The following LMO3 variants were observed in gnomAD, a reference collection of about 807,000 sequenced individuals.
LMO3 encodes LIM domain only protein 3.
A neutral mutation model predicts 15.8 loss-of-function variants in LMO3; 2 were observed. The observed-to-expected ratio is 0.13, with a 90% confidence interval of 0.05 to 0.40. LMO3 has a LOEUF of 0.40. Ranked by LOEUF, LMO3 falls within the 10% of genes least tolerant of loss-of-function variation. The pLI is 0.99. For synonymous variants in LMO3, 62 were observed against 63.8 expected (o/e 0.97, Z 0.13); for missense variants, 86 against 182.2 (o/e 0.47, Z 3.04).
chr12:16,583,567 A>G (rs1430195422), intron 2 of LMO3, among the ~76,000 whole-genome samples: 1 of 152,206 alleles, frequency 6.6e-6, no homozygotes, highest in Non-Finnish European at 1.5e-5. Flanking sequence ...ATTCCCATAG[A>G]TGGGATAAAA....
chr12:16,580,793 T>G (rs915412927), intron 2 of LMO3, among the ~76,000 whole-genome samples: 4 of 152,180 alleles, frequency 2.6e-5, no homozygotes, highest in Admixed American at 6.5e-5. Flanking sequence ...TTTGCTAATC[T>G]CTATTGTTAA....
Position 16,551,087 on chromosome 12 carries a change from T to A in LMO3, c.*135A>T. On this transcript the variant is annotated 3_prime_UTR_variant, in exon 4 of 4. Coordinates refer to ENST00000537304, the MANE Select transcript of LMO3 (RefSeq NM_018640.5). The stretch of plus-strand genomic sequence containing the variant: ...CTACATACAGATGCAGTCCGCCTTT[T>A]ATTCCATATAACCATCCTGCCTTCC... 1 of 595,330 alleles carries A rather than the reference T, an allele frequency of 1.7e-6. No individual in the cohort carries two copies. The highest frequency in any genetic ancestry group is 3.0e-6 in the Non-Finnish European group (1 of 331,142). 36.9% of individuals were successfully genotyped at this position (595,330 alleles called of 1,614,324 possible).
chr12:16,552,720 C>T (rs1378693098), intron 3 of LMO3, among the ~76,000 whole-genome samples: 1 of 152,088 alleles, frequency 6.6e-6, no homozygotes, highest in African/African-American at 2.4e-5. Flanking sequence ...AGACTATGCA[C>T]TGATCTTGAA....
intron 2 of LMO3, chr12:16,594,375 C>T (rs1943583702): frequency 8.7e-6 from 8 of 922,620 alleles, no homozygotes; most frequent in Non-Finnish European, 1.2e-5. Context: ...TTTATAGAGA[C>T]ATGGCTAATA....
intron 2 of LMO3, among the ~76,000 whole-genome samples, chr12:16,595,023 T>G (rs1407807863): frequency 6.6e-6 from 1 of 151,528 alleles, no homozygotes; most frequent in Non-Finnish European, 1.5e-5. Flanking sequence ...TTCTCAAATG[T>G]AGGTTTTCCA....
Position 16,585,243 on chromosome 12 carries a change from A to T in LMO3, c.206+15412T>A, listed in dbSNP as rs925080259. On this transcript the variant is annotated intron_variant, in intron 2 of 3. Transcript: ENST00000537304. This position sits in a 1 kb window ranked among gnomAD's most constrained non-coding sequence, Gnocchi z 4.7. ...CCCGTCTTAGCCCTTGGCAAGATAA[A>T]TAATTCAGCCTATTTTATTTACATT... 1.8e-4 allele frequency among the ~76,000 whole-genome samples: 28 copies of T among 152,156 alleles called. No individual in the cohort carries two copies. Among genetic ancestry groups the T allele is most frequent in the Non-Finnish European group, 3.7e-4 (25 of 68,046 alleles).
chr12:16,551,855 A>T (rs1942002468), intron 3 of LMO3, among the ~76,000 whole-genome samples: 1 of 151,996 alleles, frequency 6.6e-6, no homozygotes, highest in African/African-American at 2.4e-5. Context: ...AATGTTAGTA[A>T]TCTAGAAGTG....
chr12:16,565,150 AC>A (rs1257317669), intron 2 of LMO3, among the ~76,000 whole-genome samples: 3 of 152,212 alleles, frequency 2.0e-5, no homozygotes, highest in Admixed American at 2.0e-4. Context: ...TTTAAAAAAA[AC>A]TATAGAATAA....
chr12:16,605,635 A>T lies in LMO3; in HGVS notation c.-9+431T>A, dbSNP rs1683599221. 14 of 907,560 alleles carry T rather than the reference A, an allele frequency of 1.5e-5. No individual in the cohort carries two copies. In the South Asian group the frequency reaches 1.8e-4, roughly 12 times the overall value. The allele number at this position is 907,560 out of a possible 1,614,324, so 56.2% of individuals were successfully genotyped here. A position where few individuals can be genotyped will look rare whatever the true frequency, so the allele number is the denominator to read the frequency against. On this transcript the variant is annotated intron_variant, in intron 1 of 3. Coordinates refer to ENST00000537304, the MANE Select transcript of LMO3 (RefSeq NM_018640.5). ...GGTCCGGAAACCCACCCAGGACTGA[A>T]TTCTTTTCCTATGGGCTGGGAGCAA...
chr12:16,554,880 G>T (rs1942133030), intron 3 of LMO3, among the ~76,000 whole-genome samples: 1 of 152,060 alleles, frequency 6.6e-6, no homozygotes. Context: ...GGATGGTCTC[G>T]ATCTCCCAAC....
At chr12:16,575,988 T>A (rs1020093376) in intron 2 of LMO3, among the ~76,000 whole-genome samples, 1 of 151,862 alleles carries the variant, frequency 6.6e-6, no homozygotes, top group African/African-American at 2.4e-5. Context: ...AACTTTGAAT[T>A]TGCCTCCTCT....
Position 16,596,257 on chromosome 12 carries a change from A to G in LMO3, c.206+4398T>C, listed in dbSNP as rs998080697. Reference sequence around the variant, plus strand: ...CTTCAAATCATTTTAGTTAATTAGCAACTATGGTGAAGCATGAAGCATCAC... The same window carrying G: ...CTTCAAATCATTTTAGTTAATTAGCGACTATGGTGAAGCATGAAGCATCAC... On this transcript the variant is annotated intron_variant, in intron 2 of 3. Coordinates refer to ENST00000537304, the MANE Select transcript of LMO3 (RefSeq NM_018640.5). The surrounding 1 kb of genome is among the most constrained non-coding windows in gnomAD (Gnocchi z 4.3). Among the ~76,000 whole-genome samples, 2 of 151,592 alleles carry G rather than the reference A, an allele frequency of 1.3e-5. No individual in the cohort carries two copies. Among genetic ancestry groups the G allele is most frequent in the African/African-American group, 4.8e-5 (2 of 41,416 alleles).
rs561265626 is a variant in LMO3, at chr12:16,578,540, G to A, written c.207-18002C>T. Among the ~76,000 whole-genome samples the A allele has an allele frequency of 7.2e-5, 11 of 152,146 alleles. No homozygotes were observed. In the East Asian group the frequency reaches 7.8e-4, roughly 11 times the overall value. On this transcript the variant is annotated intron_variant, in intron 2 of 3. Transcript: ENST00000537304. ...ATTAAAATAAAAATCACATTAGGCC[G>A]GGCGCCGTGGCTCATGCCTGTAATC...
intron 2 of LMO3, among the ~76,000 whole-genome samples, chr12:16,573,088 T>G (rs1354501416): frequency 1.3e-5 from 2 of 152,092 alleles, no homozygotes; most frequent in Non-Finnish European, 2.9e-5. Flanking sequence ...ATACCTTTTT[T>G]TTTTCCTATG....
At chr12:16,601,172 C>T (rs1021530966) in intron 1 of LMO3, among the ~76,000 whole-genome samples, 4 of 152,186 alleles carry the variant, frequency 2.6e-5, no homozygotes, top group African/African-American at 4.8e-5. Flanking sequence ...TATCTTCATT[C>T]TCCCCATAGA....
chr12:16,590,116 A>T (rs1591818671), intron 2 of LMO3, among the ~76,000 whole-genome samples: 1 of 152,224 alleles, frequency 6.6e-6, no homozygotes, highest in East Asian at 1.9e-4. Context: ...TTGTACCCAA[A>T]GTTTAAACTT....
intron 2 of LMO3, among the ~76,000 whole-genome samples, chr12:16,581,721 G>A (rs952182852): frequency 5.3e-5 from 8 of 151,914 alleles, no homozygotes; most frequent in African/African-American, 1.9e-4. Context: ...AAAAATAGAG[G>A]ACTTTTTTTT....
In LMO3 at chr12:16,576,385, C is replaced by A. The variant is rs1469308077; in HGVS notation, c.207-15847G>T. On this transcript the variant is annotated intron_variant, in intron 2 of 3. Transcript: ENST00000537304. This position sits in a 1 kb window ranked among gnomAD's most constrained non-coding sequence, Gnocchi z 4.1. ...TCTACTTTCACACCTGATGTCCTAC[C>A]ACTCCTGCCTGCTGAGTTCCTACTA... 6.6e-6 allele frequency among the ~76,000 whole-genome samples: 1 copy of A among 152,170 alleles called. No individual in the cohort carries two copies. The highest frequency in any genetic ancestry group is 1.5e-5 in the Non-Finnish European group (1 of 68,042).
chr12:16,555,181 T>C lies in LMO3; in HGVS notation c.333-3854A>G, dbSNP rs1305421034. Among the ~76,000 whole-genome samples the C allele has an allele frequency of 6.6e-6, 1 of 152,236 alleles. No individual in the cohort carries two copies. The highest frequency in any genetic ancestry group is 2.4e-5 in the African/African-American group (1 of 41,458). On this transcript the variant is annotated intron_variant, in intron 3 of 3. Coordinates refer to ENST00000537304, the MANE Select transcript of LMO3 (RefSeq NM_018640.5). This position sits in a 1 kb window ranked among gnomAD's most constrained non-coding sequence, Gnocchi z 5.5. ...AGAATTTGCTATCATTATTATTTGGTAATGATAATCTTTTCACCTTTACTT... is the reference window on the plus strand; with the variant it reads ...AGAATTTGCTATCATTATTATTTGGCAATGATAATCTTTTCACCTTTACTT...
Sources: allele counts gnomAD v4.1 joint callset (sites outside exome capture counted in the v4.1 genomes callset), GRCh38; gene constraint gnomAD v4.1.1; non-coding constraint Gnocchi (gnomAD v3.1); transcripts MANE v1.5; gene names NCBI Gene and HGNC (gene_info 2026-07-23, HGNC 2026-07-21).